PTPRT: variants seen among roughly 807,000 people sequenced by gnomAD.
The protein encoded by PTPRT is receptor-type tyrosine-protein phosphatase T.
PTPRT carries 56 observed loss-of-function variants against 176.8 expected under a neutral mutation model. That is an observed-to-expected ratio of 0.32 (90% confidence interval 0.26 to 0.40). The LOEUF (loss-of-function observed/expected upper bound fraction) is 0.40, where lower values mean the gene tolerates loss of function less well. PTPRT is among the 10% of genes least tolerant of loss of function. The pLI, the probability that PTPRT is intolerant of heterozygous loss-of-function variation, is 1.00. For synonymous variants in PTPRT, 783 were observed against 739.0 expected (o/e 1.06, Z -0.96); for missense variants, 1,540 against 1,908.2 (o/e 0.81, Z 3.60).
chr20:42,181,156 A>T (rs1990506614), intron 16 of PTPRT, among the ~76,000 whole-genome samples: 1 of 152,218 alleles, frequency 6.6e-6, no homozygotes, highest in Non-Finnish European at 1.5e-5. Flanking sequence ...ACATAAGAGT[A>T]AATTGACTTT....
chr20:42,920,881 C>A (rs1979104729), intron 1 of PTPRT, among the ~76,000 whole-genome samples: 1 of 152,180 alleles, frequency 6.6e-6, no homozygotes, highest in South Asian at 2.1e-4. Context: ...TTTAAGAGTG[C>A]TTGTGTTTGC....
At chr20:43,181,129 G>A (rs1223573713) in intron 1 of PTPRT, among the ~76,000 whole-genome samples, 1 of 152,196 alleles carries the variant, frequency 6.6e-6, no homozygotes, top group Non-Finnish European at 1.5e-5. Flanking sequence ...GAGAGACGGA[G>A]GTCCTCAAGC....
At position 42,176,770 on chromosome 20, in the gene PTPRT, A is replaced by C. The variant is rs1463735462; in HGVS notation, c.2492-15228T>G. Among the ~76,000 whole-genome samples, 3 of 152,380 alleles carry C rather than the reference A, an allele frequency of 2.0e-5. No homozygotes were observed. In the East Asian group the frequency reaches 5.8e-4, roughly 29 times the overall value. ...AGGTTTTTACAATCTTCAGCCTGAC[A>C]GGTGACTTTGTCTTTTGTTGATGTG... On this transcript the variant is annotated intron_variant, in intron 16 of 30. Coordinates refer to ENST00000373187, the MANE Select transcript of PTPRT (RefSeq NM_007050.6).
chr20:42,451,515 A>G (rs2070826588), intron 8 of PTPRT, among the ~76,000 whole-genome samples: 1 of 152,198 alleles, frequency 6.6e-6, no homozygotes, highest in Admixed American at 6.5e-5. Context: ...CAGAGAAAAA[A>G]AAATAGGTCT....
chr20:42,468,526 C>T (rs940390876), intron 8 of PTPRT, among the ~76,000 whole-genome samples: 5 of 152,344 alleles, frequency 3.3e-5, no homozygotes, highest in African/African-American at 1.2e-4. Context: ...AATGTCCACA[C>T]ATCTCCATAG....
Position 42,081,888 on chromosome 20 carries a change from C to G in PTPRT, c.4266G>C (p.Glu1422Asp). The change falls in exon 30 of 31, where the codon GAG becomes GAC. Residue 1422 changes from glutamate to aspartate, a missense_variant. By Grantham distance (45) the Glu-to-Asp change is conservative. Transcript: ENST00000373187. The part of the protein sequence containing the change: ...TLRNNKSNMV[E>D]TLEQYKFVYE... ...CAGTCCTTGGGATACTCACCAGGGT[C>G]TCCACCATGTTGGATTTGTTGTTAC... 1.2e-6 allele frequency: 2 copies of G among 1,614,242 alleles called. No individual in the cohort carries two copies. Among genetic ancestry groups the G allele is most frequent in the Non-Finnish European group, 1.7e-6 (2 of 1,180,042 alleles).
intron 1 of PTPRT, among the ~76,000 whole-genome samples, chr20:42,927,941 G>A (rs964001601): frequency 1.7e-4 from 26 of 152,198 alleles, no homozygotes; most frequent in Admixed American, 5.2e-4. Context: ...AGTCAACAAA[G>A]AGGAGAGCTG....
chr20:42,090,154 A>G (rs1984454147), intron 27 of PTPRT, among the ~76,000 whole-genome samples: 1 of 152,102 alleles, frequency 6.6e-6, no homozygotes, highest in Non-Finnish European at 1.5e-5. Flanking sequence ...AGGGATCTGT[A>G]TCTAGCAAGT....
chr20:42,827,513 A>C (rs1485821714), intron 2 of PTPRT, among the ~76,000 whole-genome samples: 4 of 152,236 alleles, frequency 2.6e-5, no homozygotes, highest in Non-Finnish European at 4.4e-5. Context: ...TAATGAGAAC[A>C]AAGATACAAC....
At chr20:42,830,922 T>C (rs1333035282) in intron 2 of PTPRT, among the ~76,000 whole-genome samples, 1 of 152,206 alleles carries the variant, frequency 6.6e-6, no homozygotes, top group Non-Finnish European at 1.5e-5. Flanking sequence ...AAACACTCCA[T>C]GCTCATGATA....
intron 6 of PTPRT, among the ~76,000 whole-genome samples, chr20:42,712,376 C>T (rs998487766): frequency 1.3e-5 from 2 of 152,186 alleles, no homozygotes; most frequent in Admixed American, 6.5e-5. Context: ...AAAAAGAAGC[C>T]CCTACTGAGA....
intron 2 of PTPRT, among the ~76,000 whole-genome samples, chr20:42,830,688 C>A: frequency 6.6e-6 from 1 of 151,586 alleles, no homozygotes; most frequent in East Asian, 1.9e-4. Flanking sequence ...GATTTTATAT[C>A]TATATAAATC....
intron 12 of PTPRT, among the ~76,000 whole-genome samples, chr20:42,298,398 G>C (rs558832592): frequency 6.6e-6 from 1 of 152,166 alleles, no homozygotes; most frequent in Non-Finnish European, 1.5e-5. Context: ...ACAAATGCAA[G>C]TTGGTTTTAC....
chr20:43,071,620 T>C (rs1357180288), intron 1 of PTPRT, among the ~76,000 whole-genome samples: 1 of 151,930 alleles, frequency 6.6e-6, no homozygotes, highest in Non-Finnish European at 1.5e-5. Flanking sequence ...ACCCCGTCTC[T>C]ACTAAAAATA....
rs372827283 is a variant in PTPRT at position 42,109,842 on chromosome 20, C to CTGTT, written c.3254+487_3254+490dup. 3.9e-4 allele frequency among the ~76,000 whole-genome samples: 59 copies of CTGTT among 152,284 alleles called. 1 individual carries two copies. The highest frequency in any genetic ancestry group is 1.3e-3 in the African/African-American group (56 of 41,560). The stretch of plus-strand genomic sequence containing the variant: ...GCCTCCCTGGTGACTGACTTCTTCA[C>CTGTT]TGTTTTCAGGCAACAACAGTAACAA... On this transcript the variant is annotated intron_variant, in intron 23 of 30. Coordinates refer to ENST00000373187, the MANE Select transcript of PTPRT (RefSeq NM_007050.6).
Position 42,398,112 on chromosome 20 carries a change from G to T in PTPRT, c.1561-45827C>A, listed in dbSNP as rs182707937. ...CTGGTTTGATGATCTATTGTCTGTG[G>T]TATACTACCTCAAGGTATGTGTGTC... On this transcript the variant is annotated intron_variant, in intron 9 of 30. Coordinates refer to ENST00000373187, the MANE Select transcript of PTPRT (RefSeq NM_007050.6). Among the ~76,000 whole-genome samples the T allele has an allele frequency of 5.9e-5, 9 of 152,000 alleles. No individual in the cohort carries two copies. The East Asian group carries it at 1.5e-3, about 26-fold the overall frequency.
intron 15 of PTPRT, among the ~76,000 whole-genome samples, chr20:42,220,760 T>C (rs1482616591): frequency 2.6e-5 from 4 of 152,194 alleles, no homozygotes; most frequent in Non-Finnish European, 5.9e-5. Flanking sequence ...TATAGGATAC[T>C]ATAAACAAAA....
intron 1 of PTPRT, among the ~76,000 whole-genome samples, chr20:43,110,417 G>T (rs142903807): frequency 6.6e-6 from 1 of 152,268 alleles, no homozygotes; most frequent in East Asian, 1.9e-4. Flanking sequence ...ATATCCAAAT[G>T]ATAGGAGAGG....
intron 1 of PTPRT, among the ~76,000 whole-genome samples, chr20:43,067,590 G>A (rs1261181447): frequency 1.3e-5 from 2 of 152,078 alleles, no homozygotes; most frequent in African/African-American, 4.8e-5. Context: ...TGTACTTTCA[G>A]GCAAGAACCA....
Sources: gnomAD v4.1 joint callset for allele counts (sites outside exome capture counted in the v4.1 genomes callset) on GRCh38, gnomAD v4.1.1 for gene constraint, MANE v1.5 for transcripts, NCBI Gene and HGNC (gene_info 2026-07-23, HGNC 2026-07-21) for gene names.